KCNH8: variants seen among roughly 807,000 people sequenced by gnomAD.
The protein encoded by KCNH8 is voltage-gated delayed rectifier potassium channel KCNH8.
Under a neutral mutation model 103.6 loss-of-function variants are expected in KCNH8, and 70 were observed. That is an observed-to-expected ratio of 0.68 (90% CI 0.56 to 0.82). The LOEUF (loss-of-function observed/expected upper bound fraction) is 0.82, where lower values mean the gene tolerates loss of function less well. KCNH8 is among the 40% of genes least tolerant of loss of function. The pLI, the probability that KCNH8 is intolerant of heterozygous loss-of-function variation, is 0.00. For synonymous variants in KCNH8, 498 were observed against 489.4 expected (o/e 1.02, Z -0.23); for missense variants, 1,217 against 1,329.9 (o/e 0.92, Z 1.32).
At chr3:19,501,706 G>A (rs1559360401) in intron 11 of KCNH8, among the ~76,000 whole-genome samples, 1 of 152,076 alleles carries the variant, frequency 6.6e-6, no homozygotes, top group Non-Finnish European at 1.5e-5. Flanking sequence ...TGCAGAAAAG[G>A]CCCTTGACAA....
rs570182766 is a variant in KCNH8 at position 19,230,784 on chromosome 3, A to G, written c.77-22870A>G. Among the ~76,000 whole-genome samples the G allele has an allele frequency of 3.3e-5, 5 of 152,340 alleles. No homozygotes were observed. The South Asian group carries it at 1.0e-3, about 32-fold the overall frequency. ...GTGTGATTTATGAGTGTGTACTTGT[A>G]TATCTTTCATAAGGTTCCATTCCTG... On this transcript the variant is annotated intron_variant, in intron 1 of 15. Transcript: ENST00000328405.
At chr3:19,267,942 A>G (rs192260132) in intron 2 of KCNH8, among the ~76,000 whole-genome samples, 2 of 152,268 alleles carry the variant, frequency 1.3e-5, no homozygotes, top group African/African-American at 4.8e-5. Context: ...AGTGCCTTGC[A>G]CAGTGTCTGA....
At chr3:19,509,373 A>G (rs1025414534) in intron 11 of KCNH8, among the ~76,000 whole-genome samples, 1 of 152,138 alleles carries the variant, frequency 6.6e-6, no homozygotes, top group African/African-American at 2.4e-5. Flanking sequence ...TTCAAGTACA[A>G]ATTTTTTTTC....
chr3:19,466,885 T>G (rs1319636550), intron 11 of KCNH8, among the ~76,000 whole-genome samples: 1 of 151,998 alleles, frequency 6.6e-6, no homozygotes, highest in Non-Finnish European at 1.5e-5. Flanking sequence ...GGTCTCGAAC[T>G]CCCTACCTCA....
chr3:19,383,350 T>C (rs2066312561), intron 5 of KCNH8, among the ~76,000 whole-genome samples: 1 of 152,094 alleles, frequency 6.6e-6, no homozygotes, highest in African/African-American at 2.4e-5. Context: ...ATATTAACAC[T>C]TTTTTTATTA....
chr3:19,510,275 A>G, intron 11 of KCNH8, 88 bp from the exon 12 acceptor site: 1 of 810,426 alleles, frequency 1.2e-6, no homozygotes, highest in Non-Finnish European at 2.2e-6. Context: ...CTCTGTACAT[A>G]CTTCTCTTTC....
At chr3:19,493,769 G>A (rs192930190) in intron 11 of KCNH8, among the ~76,000 whole-genome samples, 9 of 151,794 alleles carry the variant, frequency 5.9e-5, no homozygotes, top group Admixed American at 3.3e-4. Flanking sequence ...TATTTTTCCT[G>A]CCCTACACAA....
chr3:19,418,912 G>A (rs985910095), intron 7 of KCNH8, among the ~76,000 whole-genome samples: 1 of 152,082 alleles, frequency 6.6e-6, no homozygotes, highest in African/African-American at 2.4e-5. Context: ...GGTATTCTCT[G>A]TTATACTAAT....
intron 11 of KCNH8, among the ~76,000 whole-genome samples, chr3:19,481,382 A>G (rs1273614635): frequency 6.6e-6 from 1 of 152,044 alleles, no homozygotes; most frequent in Non-Finnish European, 1.5e-5. Flanking sequence ...CCAACCTCCA[A>G]AAGTCTAGTC....
intron 5 of KCNH8, among the ~76,000 whole-genome samples, chr3:19,363,626 A>C (rs952140983): frequency 4.6e-5 from 7 of 152,270 alleles, no homozygotes; most frequent in Admixed American, 2.0e-4. Context: ...GTTTCGTGTT[A>C]AATGGAACTA....
Position 19,345,980 on chromosome 3 carries a change from C to T in KCNH8, c.571-1745C>T, listed in dbSNP as rs1380813878. On this transcript the variant is annotated intron_variant, in intron 4 of 15. Coordinates refer to ENST00000328405, the MANE Select transcript of KCNH8 (RefSeq NM_144633.3). ...TAATCAAAGACAAAAACAAAAACTT[C>T]ACTTTTGAGTTTTCCCAAATCATTA... is the stretch of plus-strand genomic sequence containing the variant. 2.0e-5 allele frequency among the ~76,000 whole-genome samples: 3 copies of T among 152,124 alleles called. No individual in the cohort carries two copies. In the East Asian group the frequency reaches 5.8e-4, roughly 29 times the overall value.
At chr3:19,222,430 G>A (rs1201308580) in intron 1 of KCNH8, among the ~76,000 whole-genome samples, 1 of 152,132 alleles carries the variant, frequency 6.6e-6, no homozygotes, top group Non-Finnish European at 1.5e-5. Flanking sequence ...TTTCTATGAG[G>A]AAAGATGGTA....
At chr3:19,227,328 A>G (rs1363049918) in intron 1 of KCNH8, among the ~76,000 whole-genome samples, 1 of 152,200 alleles carries the variant, frequency 6.6e-6, no homozygotes, top group Non-Finnish European at 1.5e-5. Flanking sequence ...ATTTTATCCT[A>G]TTCTGATATG....
rs2067885524 is a variant in KCNH8, at chr3:19,472,561, A to G, written c.2040+15579A>G. Among the ~76,000 whole-genome samples the G allele has an allele frequency of 2.6e-5, 4 of 152,186 alleles. No individual in the cohort carries two copies. The South Asian group carries it at 6.2e-4, about 24-fold the overall frequency. ...TGTGACTTGCTCCTCCTTGCCTTCC[A>G]CCATGATTGTGAGGCCTCCCCAGCC... On this transcript the variant is annotated intron_variant, in intron 11 of 15. Coordinates refer to ENST00000328405, the MANE Select transcript of KCNH8 (RefSeq NM_144633.3).
At chr3:19,308,887 G>A (rs1290108701) in intron 3 of KCNH8, among the ~76,000 whole-genome samples, 1 of 148,320 alleles carries the variant, frequency 6.7e-6, no homozygotes, top group Non-Finnish European at 1.5e-5. Context: ...GAAAACTGTG[G>A]ATTAAATTTA....
intron 1 of KCNH8, among the ~76,000 whole-genome samples, chr3:19,170,880 C>T (rs1214050970): frequency 1.4e-5 from 2 of 144,616 alleles, no homozygotes; most frequent in Non-Finnish European, 3.0e-5. Flanking sequence ...CGCAAAATAT[C>T]GGCTCACTGC....
intron 2 of KCNH8, among the ~76,000 whole-genome samples, chr3:19,257,512 G>C (rs758469253): frequency 2.0e-4 from 31 of 151,928 alleles, no homozygotes; most frequent in Admixed American, 1.3e-4. Flanking sequence ...ATATCAACAA[G>C]TTGTGTCTTC....
chr3:19,322,658 TGA>T, intron 3 of KCNH8, among the ~76,000 whole-genome samples: 1 of 152,352 alleles, frequency 6.6e-6, no homozygotes, highest in Non-Finnish European at 1.5e-5. Flanking sequence ...GATAACTTGA[TGA>T]CTATGTGCCC....
chr3:19,384,379 G>T (rs1398412785), intron 5 of KCNH8, among the ~76,000 whole-genome samples: 1 of 152,174 alleles, frequency 6.6e-6, no homozygotes, highest in Non-Finnish European at 1.5e-5. Context: ...CTCAATAGCA[G>T]TATTTTGTGA....
Sources: gnomAD v4.1 joint callset for allele counts (sites outside exome capture counted in the v4.1 genomes callset) on GRCh38, gnomAD v4.1.1 for gene constraint, MANE v1.5 for transcripts, NCBI Gene and HGNC (gene_info 2026-07-23, HGNC 2026-07-21) for gene names.